The following RAP1GAP2 variants were observed in gnomAD, a reference collection of about 807,000 sequenced individuals.
RAP1GAP2 encodes the protein RAP1 GTPase activating protein 2, also known as rap1 GTPase-activating protein 2.
In RAP1GAP2, 27 loss-of-function variants were observed where a neutral mutation model predicts 95.0. The observed-to-expected ratio is 0.28, with a 90% CI of 0.21 to 0.39. The LOEUF is 0.39. RAP1GAP2 is among the 10% of genes least tolerant of loss of function. The pLI is 1.00. For missense variants in RAP1GAP2, 771 were observed against 970.0 expected (o/e 0.79, Z 2.72); for synonymous variants, 373 against 380.9 (o/e 0.98, Z 0.24).
intron 3 of RAP1GAP2, among the ~76,000 whole-genome samples, chr17:2,915,780 C>A (rs1447568680): frequency 6.6e-6 from 1 of 152,132 alleles, no homozygotes; most frequent in Non-Finnish European, 1.5e-5. Flanking sequence ...TCACTGCAAC[C>A]TCTGCTTCCT....
At chr17:2,844,767 A>C (rs572234209) in intron 2 of RAP1GAP2, among the ~76,000 whole-genome samples, 164 of 152,300 alleles carry the variant, frequency 1.1e-3, no homozygotes, top group Non-Finnish European at 1.8e-3. Context: ...GCCAAGCCGG[A>C]AAGTCTTTGA....
chr17:2,977,558 A>C (rs1441401778), intron 8 of RAP1GAP2, among the ~76,000 whole-genome samples: 1 of 152,006 alleles, frequency 6.6e-6, no homozygotes, highest in African/African-American at 2.4e-5. Flanking sequence ...CAGCCTGGCC[A>C]ACATGGTGAA....
At chr17:2,924,930 C>T (rs2042903814) in intron 3 of RAP1GAP2, among the ~76,000 whole-genome samples, 1 of 152,206 alleles carries the variant, frequency 6.6e-6, no homozygotes, top group African/African-American at 2.4e-5. Flanking sequence ...AATTGCATCT[C>T]ATCTCAGAGA....
Position 2,866,780 on chromosome 17 carries a change from A to G in RAP1GAP2, c.81-38504A>G, listed in dbSNP as rs1291040980. Among the ~76,000 whole-genome samples, 2 of 151,634 alleles carry G rather than the reference A, an allele frequency of 1.3e-5. No individual in the cohort carries two copies. On this transcript the variant is annotated intron_variant, in intron 2 of 24. Coordinates refer to ENST00000254695, the MANE Select transcript of RAP1GAP2 (RefSeq NM_015085.5). The surrounding 1 kb of genome is among the most constrained non-coding windows in gnomAD (Gnocchi z 4.0). The stretch of plus-strand genomic sequence containing the variant: ...AGGTCCGGCTAATTTTTATGTTTTT[A>G]GTAGAGATGGGGTTTCACCACGTTG...
At chr17:2,814,430 C>G (rs190101094) in intron 2 of RAP1GAP2, among the ~76,000 whole-genome samples, 1 of 152,160 alleles carries the variant, frequency 6.6e-6, no homozygotes, top group Non-Finnish European at 1.5e-5. Context: ...ACAACCTGCC[C>G]GTCCTTCCAG....
chr17:2,781,826 A>AC (rs1287507705), intron 1 of RAP1GAP2, among the ~76,000 whole-genome samples: 1 of 127,616 alleles, frequency 7.8e-6, no homozygotes, highest in African/African-American at 3.1e-5. Context: ...CTGTGTGTGC[A>AC]GGTCTCTGTG....
At chr17:2,926,929 C>T (rs879845788) in intron 3 of RAP1GAP2, among the ~76,000 whole-genome samples, 16 of 147,634 alleles carry the variant, frequency 1.1e-4, no homozygotes, top group Admixed American at 1.1e-3. Flanking sequence ...TTGCTTGAAC[C>T]CGGGAGGCGG....
chr17:2,979,188 G>A (rs927426317), intron 8 of RAP1GAP2, among the ~76,000 whole-genome samples: 1 of 152,146 alleles, frequency 6.6e-6, no homozygotes. Flanking sequence ...TGTGCTGAAT[G>A]AATCAGGGGA....
intron 1 of RAP1GAP2, among the ~76,000 whole-genome samples, chr17:2,769,239 A>C: frequency 2.3e-5 from 1 of 44,156 alleles, no homozygotes; most frequent in Non-Finnish European, 4.1e-5. Flanking sequence ...CTCTAAAAAA[A>C]AAAAAAAAAA....
intron 3 of RAP1GAP2, among the ~76,000 whole-genome samples, chr17:2,910,271 T>C (rs1466836227): frequency 2.6e-5 from 4 of 151,998 alleles, no homozygotes; most frequent in Non-Finnish European, 5.9e-5. Flanking sequence ...TCAGAGGAGG[T>C]TGTTCTGCTC....
intron 1 of RAP1GAP2, among the ~76,000 whole-genome samples, chr17:2,778,424 C>T: frequency 6.6e-6 from 1 of 152,126 alleles, no homozygotes; most frequent in Non-Finnish European, 1.5e-5. Flanking sequence ...CTAAGTGGGA[C>T]TGCTCAGCTC....
chr17:2,818,271 T>G (rs2070120713), intron 2 of RAP1GAP2, among the ~76,000 whole-genome samples: 1 of 152,002 alleles, frequency 6.6e-6, no homozygotes, highest in Non-Finnish European at 1.5e-5. Context: ...TTAGCAGGAA[T>G]TTTGTGTTTT....
chr17:2,925,658 A>G (rs1470546464), intron 3 of RAP1GAP2, among the ~76,000 whole-genome samples: 1 of 152,152 alleles, frequency 6.6e-6, no homozygotes, highest in Non-Finnish European at 1.5e-5. Context: ...TTTCTCTAAG[A>G]GGAGGTTGAT....
chr17:2,811,688 C>T (rs1021792978), intron 2 of RAP1GAP2, among the ~76,000 whole-genome samples: 3 of 152,182 alleles, frequency 2.0e-5, no homozygotes, highest in African/African-American at 7.2e-5. Flanking sequence ...AGTGATTCTC[C>T]TGCCTCAGTC....
chr17:2,821,218 C>A (rs952345774), intron 2 of RAP1GAP2, among the ~76,000 whole-genome samples: 1 of 152,066 alleles, frequency 6.6e-6, no homozygotes, highest in African/African-American at 2.4e-5. Context: ...TTGCTACATT[C>A]TTTTTTCCCC....
chr17:2,928,342 G>T (rs1218316480), intron 3 of RAP1GAP2, among the ~76,000 whole-genome samples: 1 of 152,176 alleles, frequency 6.6e-6, no homozygotes, highest in African/African-American at 2.4e-5. Context: ...CCTGCAATCT[G>T]CTTCTGTCCG....
At position 2,883,799 on chromosome 17, in the gene RAP1GAP2, G is replaced by A. The variant is rs569856090; in HGVS notation, c.81-21485G>A. On this transcript the variant is annotated intron_variant, in intron 2 of 24. Transcript: ENST00000254695. ...TGGCTGCCTCATGGCCTGGGGCCTC[G>A]CCAGCTGGGGCTTCAAGGCTGTGAC... Among the ~76,000 whole-genome samples the A allele has an allele frequency of 9.2e-5, 14 of 152,304 alleles. No homozygotes were observed. The South Asian group carries it at 2.5e-3, about 27-fold the overall frequency.
At chr17:2,838,698 A>C (rs1401897400) in intron 2 of RAP1GAP2, among the ~76,000 whole-genome samples, 2 of 151,962 alleles carry the variant, frequency 1.3e-5, no homozygotes, top group Non-Finnish European at 2.9e-5. Flanking sequence ...TAACCGGGGG[A>C]GATGACATTT....
chr17:2,838,314 G>C (rs35605349), intron 2 of RAP1GAP2, among the ~76,000 whole-genome samples: 1 of 152,072 alleles, frequency 6.6e-6, no homozygotes, highest in African/African-American at 2.4e-5. Context: ...CACGGCGCCC[G>C]GCCTTGTGTT....
Sources: gnomAD v4.1 joint callset for allele counts (sites outside exome capture counted in the v4.1 genomes callset) on GRCh38, gnomAD v4.1.1 for gene constraint, Gnocchi (gnomAD v3.1) non-coding constraint, MANE v1.5 for transcripts, NCBI Gene and HGNC (gene_info 2026-07-23, HGNC 2026-07-21) for gene names.